Variants in PTP4A3 observed in about 807,000 individuals in gnomAD.
PTP4A3 encodes protein tyrosine phosphatase type IVA 3.
PTP4A3 carries 9 observed loss-of-function variants against 15.2 expected under a neutral mutation model. That is an observed-to-expected ratio of 0.59 (90% confidence interval 0.36 to 1.03). The LOEUF (loss-of-function observed/expected upper bound fraction) is 1.03, where lower values mean the gene tolerates loss of function less well. PTP4A3 is among the 50% of genes least tolerant of loss of function. PTP4A3 has a pLI of 0.02. For synonymous variants in PTP4A3, 95 were observed against 102.0 expected (o/e 0.93, Z 0.41); for missense variants, 234 against 252.1 (o/e 0.93, Z 0.49).
chr8:141,394,771 G>A (rs867140282), intron 1 of PTP4A3, among the ~76,000 whole-genome samples: 3 of 152,258 alleles, frequency 2.0e-5, no homozygotes, highest in Admixed American at 6.5e-5. Flanking sequence ...GGCAAGGTCC[G>A]AGGGCCGATG....
rs1406418398 is a variant in PTP4A3 at position 141,421,576 on chromosome 8, C to G, written c.-665C>G. On this transcript the variant is annotated 5_prime_UTR_variant, in exon 2 of 6. Coordinates refer to ENST00000521578, the MANE Select transcript of PTP4A3 (RefSeq NM_032611.3). ...GGGCCAGCTCTACCGCCTGAGCCCC[C>G]TGCCCCACTCCAGGACTCACCGTAC... 6.6e-6 allele frequency: 1 copy of G among 152,638 alleles called. No homozygotes were observed. The highest frequency in any genetic ancestry group is 1.5e-5 in the Non-Finnish European group (1 of 68,332). The allele number at this position is 152,638 out of a possible 1,614,324, so 9.5% of individuals were successfully genotyped here.
rs1833651311 is a variant in PTP4A3 at position 141,427,780 on chromosome 8, T to A, written c.360T>A (p.Ile120=). ...CAGTCCTTGTGGCGCTGGCCCTTAT[T>A]GAGAGCGGGATGAAGTACGAGGACG... The part of the protein sequence containing the change: ...RAPVLVALAL[I]ESGMKYEDAI... The change falls in exon 5 of 6, where the codon ATT becomes ATA. Residue 120 remains isoleucine (I), a synonymous_variant. Coordinates refer to ENST00000521578, the MANE Select transcript of PTP4A3 (RefSeq NM_032611.3). The A allele has an allele frequency of 3.9e-6, 6 of 1,551,826 alleles. No homozygotes were observed. In the South Asian group the frequency reaches 7.1e-5, roughly 18 times the overall value.
chr8:141,418,207 C>T (rs1833144471), intron 1 of PTP4A3, among the ~76,000 whole-genome samples: 1 of 152,220 alleles, frequency 6.6e-6, no homozygotes, highest in Admixed American at 6.5e-5. Flanking sequence ...CGCCTCAGCC[C>T]TGACCGCGGC....
chr8:141,402,386 C>T (rs984934551), intron 1 of PTP4A3, among the ~76,000 whole-genome samples: 1 of 152,224 alleles, frequency 6.6e-6, no homozygotes, highest in African/African-American at 2.4e-5. Context: ...CCTGGGTTTC[C>T]ACTCCACAGG....
intron 1 of PTP4A3, among the ~76,000 whole-genome samples, chr8:141,407,337 G>A (rs879495862): frequency 6.6e-6 from 1 of 152,228 alleles, no homozygotes; most frequent in South Asian, 2.1e-4. Context: ...GGTCTTGGGA[G>A]AACAGAAGTT....
chr8:141,426,271 C>T (rs1014279712), intron 3 of PTP4A3, among the ~76,000 whole-genome samples: 4 of 152,216 alleles, frequency 2.6e-5, no homozygotes, highest in African/African-American at 9.7e-5. Context: ...GCGCCCTGGC[C>T]CGGGCCCTCC....
At chr8:141,405,751 G>A (rs1832704700) in intron 1 of PTP4A3, among the ~76,000 whole-genome samples, 1 of 151,996 alleles carries the variant, frequency 6.6e-6, no homozygotes, top group African/African-American at 2.4e-5. Flanking sequence ...ACTGTGTGTG[G>A]GGGACAGAGG....
chr8:141,427,875 T>G, intron 5 of PTP4A3, 51 bp downstream of exon 5: 2 of 1,481,384 alleles, frequency 1.4e-6, no homozygotes, highest in Non-Finnish European at 1.8e-6. Flanking sequence ...GGAGGGGAGA[T>G]CCGGCTGCCC....
At chr8:141,413,619 G>T (rs1832928769) in intron 1 of PTP4A3, among the ~76,000 whole-genome samples, 1 of 152,238 alleles carries the variant, frequency 6.6e-6, no homozygotes, top group Non-Finnish European at 1.5e-5. Flanking sequence ...TCAGAACACG[G>T]CTCCCTCCTG....
rs1370868940 is a variant in PTP4A3 at position 141,406,814 on chromosome 8, C to T, written c.-853-14574C>T. 3.3e-5 allele frequency among the ~76,000 whole-genome samples: 5 copies of T among 152,326 alleles called. No individual in the cohort carries two copies. The highest frequency in any genetic ancestry group is 3.4e-3 in the Middle Eastern group (1 of 294). ...CTTCGCCCTGAATCCTCCTCTGAGCCGGCTTTGCCTCCTGCTGTTCCCACT... is the reference window on the plus strand; with the variant it reads ...CTTCGCCCTGAATCCTCCTCTGAGCTGGCTTTGCCTCCTGCTGTTCCCACT... On this transcript the variant is annotated intron_variant, in intron 1 of 5. Transcript: ENST00000521578. The surrounding 1 kb of genome is among the most constrained non-coding windows in gnomAD (Gnocchi z 4.5).
In PTP4A3 at chr8:141,426,921, G is replaced by A. The variant is rs112756946; in HGVS notation, c.199-18G>A. The A allele has an allele frequency of 1.7e-4, 274 of 1,609,792 alleles. No homozygotes were observed. The African/African-American group carries it at 3.0e-3, about 18-fold the overall frequency. ...CCCTCCCTCAGCCGGGGGTCCTCAT[G>A]TCTGCTTCCCTCCGTAGGACTGGCC... On this transcript the variant is annotated intron_variant, in intron 3 of 5. Coordinates refer to ENST00000521578, the MANE Select transcript of PTP4A3 (RefSeq NM_032611.3).
intron 1 of PTP4A3, among the ~76,000 whole-genome samples, chr8:141,413,411 G>A (rs1586548662): frequency 1.3e-5 from 2 of 152,234 alleles, no homozygotes; most frequent in Admixed American, 6.5e-5. Context: ...CAGCAGGACC[G>A]TGGGCATGCA....
Position 141,425,191 on chromosome 8 carries a change from T to TGGGGGGGGTGGGG in PTP4A3, c.198+55_198+56insGGGGTGGGGGGGG. ...AGTCACTGCTGCCACCGGGGGAGGG[T>TGGGGGGGGTGGGG]GGGGCGGGGGGCTCCGGGCCTGCGC... On this transcript the variant is annotated intron_variant, in intron 3 of 5. Coordinates refer to ENST00000521578, the MANE Select transcript of PTP4A3 (RefSeq NM_032611.3). The surrounding 1 kb of genome is among the most constrained non-coding windows in gnomAD (Gnocchi z 4.2). 1 of 287,822 alleles carries TGGGGGGGGTGGGG rather than the reference T, an allele frequency of 3.5e-6. No homozygotes were observed. The highest frequency in any genetic ancestry group is 4.3e-5 in the African/African-American group (1 of 23,368). 17.8% of individuals were successfully genotyped at this position (287,822 alleles called of 1,614,324 possible).
In PTP4A3 at chr8:141,422,049, C is replaced by T; in HGVS notation, c.-192C>T. Reference sequence around the variant, plus strand: ...TAATTATCCAAACAGTGGGCAGCTTCCTCCCCCACACCCAAGTATTTGCAC... The same window carrying T: ...TAATTATCCAAACAGTGGGCAGCTTTCTCCCCCACACCCAAGTATTTGCAC... On this transcript the variant is annotated 5_prime_UTR_variant, in exon 2 of 6. Coordinates refer to ENST00000521578, the MANE Select transcript of PTP4A3 (RefSeq NM_032611.3). 3.7e-6 allele frequency: 2 copies of T among 545,208 alleles called. No individual in the cohort carries two copies. Among genetic ancestry groups the T allele is most frequent in the Non-Finnish European group, 6.4e-6 (2 of 310,728 alleles). 33.8% of individuals were successfully genotyped at this position (545,208 alleles called of 1,614,324 possible). A position where few individuals can be genotyped will look rare whatever the true frequency, so the allele number is the denominator to read the frequency against.
At position 141,409,302 on chromosome 8, in the gene PTP4A3, G is replaced by C. The variant is rs570736996; in HGVS notation, c.-853-12086G>C. On this transcript the variant is annotated intron_variant, in intron 1 of 5. Coordinates refer to ENST00000521578, the MANE Select transcript of PTP4A3 (RefSeq NM_032611.3). Reference sequence around the variant, plus strand: ...GCTGTCTCTGAGCCCTGGAGCTGGCGGGGTAGGGATCAGCTCCTGTGAGCT... The same window carrying C: ...GCTGTCTCTGAGCCCTGGAGCTGGCCGGGTAGGGATCAGCTCCTGTGAGCT... 1.8e-4 allele frequency among the ~76,000 whole-genome samples: 27 copies of C among 152,336 alleles called. No individual in the cohort carries two copies. In the Middle Eastern group the frequency reaches 0.014, roughly 77 times the overall value.
chr8:141,429,360 G>A (rs926340969), intron 5 of PTP4A3, among the ~76,000 whole-genome samples: 4 of 152,258 alleles, frequency 2.6e-5, no homozygotes, highest in African/African-American at 9.6e-5. Flanking sequence ...GCCTCCAGAG[G>A]CGCTGGGTGG....
Position 141,422,342 on chromosome 8 carries a change from T to A in PTP4A3, c.102T>A (p.Ile34=), listed in dbSNP as rs1833373938. ...CCAACGCCACGCTCAGCACCTTCATTGAGGTGAGTGGAGACGGAGGTGTGG... is the reference window on the plus strand; with the variant it reads ...CCAACGCCACGCTCAGCACCTTCATAGAGGTGAGTGGAGACGGAGGTGTGG... ...NPTNATLSTF[I]EDLKKYGATT... Residue 34 remains isoleucine, a synonymous_variant, in exon 2 of 6, where the codon ATT becomes ATA. Transcript: ENST00000521578. The A allele has an allele frequency of 6.2e-7, 1 of 1,613,146 alleles. No individual in the cohort carries two copies. Among genetic ancestry groups the A allele is most frequent in the African/African-American group, 1.3e-5 (1 of 74,986 alleles).
rs570243873 is a variant in PTP4A3, at chr8:141,425,472, G to T, written c.198+332G>T. 6.6e-6 allele frequency among the ~76,000 whole-genome samples: 1 copy of T among 152,178 alleles called. No individual in the cohort carries two copies. The highest frequency in any genetic ancestry group is 1.5e-5 in the Non-Finnish European group (1 of 67,964). On this transcript the variant is annotated intron_variant, in intron 3 of 5. Transcript: ENST00000521578. The surrounding 1 kb of genome is among the most constrained non-coding windows in gnomAD (Gnocchi z 4.2). ...TCAGGCCCTCCTCTGGGCCTGTCTT[G>T]GGTGCATCTCAGTCTTGCTGCCTGG...
intron 1 of PTP4A3, among the ~76,000 whole-genome samples, chr8:141,398,921 G>A (rs1433215454): frequency 1.3e-5 from 2 of 152,078 alleles, no homozygotes; most frequent in African/African-American, 4.8e-5. Flanking sequence ...TCGAAGCCAG[G>A]CCTGGCCCAG....
Sources: allele counts gnomAD v4.1 joint callset (sites outside exome capture counted in the v4.1 genomes callset), GRCh38; gene constraint gnomAD v4.1.1; non-coding constraint Gnocchi (gnomAD v3.1); transcripts MANE v1.5; gene names NCBI Gene and HGNC (gene_info 2026-07-23, HGNC 2026-07-21).